TMEM132C: variants seen among roughly 807,000 people sequenced by gnomAD.
TMEM132C encodes transmembrane protein 132C.
TMEM132C carries 29 observed loss-of-function variants against 61.4 expected under a neutral mutation model. The ratio of observed to expected loss-of-function variants is 0.47; its 90% CI spans 0.35 to 0.64. TMEM132C has a LOEUF of 0.64. Ranked by LOEUF, TMEM132C falls within the 30% of genes least tolerant of loss-of-function variation. TMEM132C has a pLI of 0.00. For synonymous variants in TMEM132C, 656 were observed against 633.1 expected (o/e 1.04, Z -0.54); for missense variants, 1,408 against 1,476.9 (o/e 0.95, Z 0.76).
chr12:128,588,502 T>G (rs1875632452), intron 3 of TMEM132C, among the ~76,000 whole-genome samples: 3 of 152,326 alleles, frequency 2.0e-5, no homozygotes, highest in South Asian at 2.1e-4. Flanking sequence ...TCCGTTCTTT[T>G]GTACGTAGTT....
chr12:128,524,012 C>CAAA (rs55999607), intron 2 of TMEM132C, among the ~76,000 whole-genome samples: 3 of 135,324 alleles, frequency 2.2e-5, no homozygotes, highest in African/African-American at 8.8e-5. Context: ...GACGCCATCT[C>CAAA]AAAAAAAAAA....
At position 128,695,887 on chromosome 12, in the gene TMEM132C, A is replaced by C; in HGVS notation, c.1713A>C (p.Ala571=). 2.6e-6 allele frequency: 4 copies of C among 1,551,060 alleles called. No homozygotes were observed. Among genetic ancestry groups the C allele is most frequent in the Non-Finnish European group, 3.5e-6 (4 of 1,146,920 alleles). Residue 571 remains alanine (A), a synonymous_variant, in exon 7 of 9, where the codon GCA becomes GCC. Transcript: ENST00000435159. ...DEEERRGRGC[A]LQYQHATVRV... is the part of the protein sequence containing the mutation. ...AGGAGCGGCGGGGCCGGGGCTGCGC[A>C]CTGCAATACCAGCACGCCACCGTGC...
At chr12:128,551,570 G>A (rs1261160416) in intron 3 of TMEM132C, among the ~76,000 whole-genome samples, 1 of 152,206 alleles carries the variant, frequency 6.6e-6, no homozygotes, top group East Asian at 1.9e-4. Flanking sequence ...CAATTAGCAT[G>A]CTGCCCAGGT....
chr12:128,560,893 T>C (rs528789069), intron 3 of TMEM132C, among the ~76,000 whole-genome samples: 95 of 152,310 alleles, frequency 6.2e-4, no homozygotes, highest in Non-Finnish European at 8.8e-4. Context: ...GATAAATGAA[T>C]GATGCTTGTC....
At chr12:128,695,001 T>C (rs912885948) in intron 6 of TMEM132C, among the ~76,000 whole-genome samples, 1 of 152,206 alleles carries the variant, frequency 6.6e-6, no homozygotes, top group Non-Finnish European at 1.5e-5. Flanking sequence ...GTTTGCCTCA[T>C]AGTGTTATGA....
At chr12:128,619,816 T>C (rs1017050829) in intron 4 of TMEM132C, among the ~76,000 whole-genome samples, 4 of 152,216 alleles carry the variant, frequency 2.6e-5, no homozygotes, top group Non-Finnish European at 5.9e-5. Flanking sequence ...TCAGTTCTTC[T>C]TCAATGTAAG....
At chr12:128,494,430 T>C (rs1321204648) in intron 2 of TMEM132C, among the ~76,000 whole-genome samples, 4 of 152,220 alleles carry the variant, frequency 2.6e-5, no homozygotes, top group Admixed American at 2.6e-4. Context: ...TGGTACCAGT[T>C]CCTCCTTGTA....
intron 2 of TMEM132C, among the ~76,000 whole-genome samples, chr12:128,507,593 G>T (rs12318873): frequency 1.1e-4 from 17 of 152,118 alleles, no homozygotes; most frequent in African/African-American, 3.9e-4. Flanking sequence ...CCAACATGAC[G>T]GGGAGCTGCT....
chr12:128,319,924 C>T (rs541709114), intron 1 of TMEM132C, among the ~76,000 whole-genome samples: 2 of 152,058 alleles, frequency 1.3e-5, no homozygotes, highest in South Asian at 4.2e-4. Flanking sequence ...AAGTCCTGCT[C>T]TGTGTGAGAT....
chr12:128,321,138 A>AAAAAAAAAAAAT (rs369619722), intron 1 of TMEM132C, among the ~76,000 whole-genome samples: 1 of 143,776 alleles, frequency 7.0e-6, no homozygotes, highest in Non-Finnish European at 1.5e-5. Flanking sequence ...CATTTTTGAA[A>AAAAAAAAAAAAT]AATAATAATA....
intron 2 of TMEM132C, among the ~76,000 whole-genome samples, chr12:128,473,318 CTAT>C (rs1330308011): frequency 6.7e-4 from 70 of 105,152 alleles, no homozygotes; most frequent in Non-Finnish European, 1.1e-3. Flanking sequence ...ACTCCAGCCT[CTAT>C]CTTCATCTTC....
chr12:128,553,630 G>A (rs79860303), intron 3 of TMEM132C, among the ~76,000 whole-genome samples: 3,708 of 152,274 alleles, frequency 0.024, 167 homozygotes, highest in African/African-American at 0.085. Flanking sequence ...TGTTCTCAGC[G>A]TTTTAGTATA....
At chr12:128,305,304 A>G (rs1871731442) in intron 1 of TMEM132C, among the ~76,000 whole-genome samples, 1 of 152,142 alleles carries the variant, frequency 6.6e-6, no homozygotes, top group Non-Finnish European at 1.5e-5. Flanking sequence ...ATTGCATGTG[A>G]TACCTCAGTC....
chr12:128,622,941 C>T (rs1953981701), intron 4 of TMEM132C, among the ~76,000 whole-genome samples: 2 of 152,048 alleles, frequency 1.3e-5, no homozygotes, highest in Non-Finnish European at 2.9e-5. Context: ...AAAATATTTG[C>T]TCAGTTGAAA....
intron 2 of TMEM132C, among the ~76,000 whole-genome samples, chr12:128,525,344 T>C (rs4882774): frequency 0.89 from 125,149 of 140,386 alleles, 55,974 homozygotes; most frequent in East Asian, 0.99. Context: ...CTCTCTCTCT[T>C]TCTCTCTCTC....
At chr12:128,281,518 A>T (rs1870895650) in intron 1 of TMEM132C, among the ~76,000 whole-genome samples, 1 of 152,060 alleles carries the variant, frequency 6.6e-6, no homozygotes, top group Non-Finnish European at 1.5e-5. Flanking sequence ...GGATCAAATG[A>T]CCTAATGTCT....
At chr12:128,543,046 T>TA (rs945899162) in intron 2 of TMEM132C, among the ~76,000 whole-genome samples, 3 of 152,040 alleles carry the variant, frequency 2.0e-5, no homozygotes, top group African/African-American at 7.3e-5. Context: ...CGTTTATTGA[T>TA]AAGGAAAGTG....
intron 1 of TMEM132C, among the ~76,000 whole-genome samples, chr12:128,397,865 C>A (rs2136006442): frequency 6.6e-6 from 1 of 152,282 alleles, no homozygotes; most frequent in East Asian, 1.9e-4. Flanking sequence ...CTCCCCTCTG[C>A]TCAGCCTCCC....
intron 1 of TMEM132C, among the ~76,000 whole-genome samples, chr12:128,351,118 C>T (rs1873324845): frequency 6.6e-6 from 1 of 152,184 alleles, no homozygotes; most frequent in South Asian, 2.1e-4. Flanking sequence ...TCCTGTAACT[C>T]ACCACTGACC....
Sources: gnomAD v4.1 joint callset for allele counts (sites outside exome capture counted in the v4.1 genomes callset) on GRCh38, gnomAD v4.1.1 for gene constraint, MANE v1.5 for transcripts, NCBI Gene and HGNC (gene_info 2026-07-23, HGNC 2026-07-21) for gene names.